The following CHD4 variants were observed in gnomAD, a reference collection of about 807,000 sequenced individuals.
CHD4 encodes chromodomain helicase DNA binding protein 4, also known as ATP-dependent chromatin remodeler CHD4.
A neutral mutation model predicts 235.5 loss-of-function variants in CHD4; 35 were observed. That is an observed-to-expected ratio of 0.15 (90% CI 0.11 to 0.20). The LOEUF is 0.20. CHD4 is among the 10% of genes least tolerant of loss of function. CHD4 has a pLI of 1.00. For missense variants in CHD4, 1,329 were observed against 2,432.3 expected (o/e 0.55, Z 9.54); for synonymous variants, 900 against 850.2 (o/e 1.06, Z -1.02).
In CHD4 at chr12:6,601,025, G is replaced by A; in HGVS notation, c.828C>T (p.Gly276=). 1 of 1,591,684 alleles carries A rather than the reference G, an allele frequency of 6.3e-7. No homozygotes were observed. Among genetic ancestry groups the A allele is most frequent in the South Asian group, 1.1e-5 (1 of 87,482 alleles). ...TCTTGGCATCAGGTACACGAGGGCT[G>A]CCCTTGGGCTTCCTCCGAGCATTGG... The part of the protein sequence containing the change: ...KGPNARRKPK[G]SPRVPDAKKP... The change falls in exon 7 of 40, where the codon GGC becomes GGT. Residue 276 remains glycine, a synonymous_variant. Transcript: ENST00000544040.
intron 29 of CHD4, 55 bp from the exon 30 acceptor site, chr12:6,582,336 C>G: frequency 6.6e-7 from 1 of 1,506,390 alleles, no homozygotes; most frequent in Non-Finnish European, 8.9e-7. Context: ...CTCTTAGATT[C>G]TTTTCCATCC....
intron 33 of CHD4, chr12:6,580,247 C>CAA (rs1190665555): frequency 6.6e-6 from 1 of 151,810 alleles, no homozygotes; most frequent in African/African-American, 2.4e-5. Flanking sequence ...ACAACAACAA[C>CAA]AACAACAACA....
rs200226716 is a variant in CHD4, at chr12:6,582,598, T to C, written c.4370+17A>G. On this transcript the variant is annotated intron_variant, in intron 29 of 39. Coordinates refer to ENST00000544040, the MANE Select transcript of CHD4 (RefSeq NM_001273.5). ...AAGCCCTTGCTCTAGATCAGTCCAC[T>C]CCAGCCCTCAACTCACTTGAACTCT... 51 of 1,602,502 alleles carry C rather than the reference T, an allele frequency of 3.2e-5. No individual in the cohort carries two copies. Among genetic ancestry groups the C allele is most frequent in the East Asian group, 2.7e-4 (12 of 44,860 alleles).
chr12:6,601,905 GA>G, intron 4 of CHD4, 54 bp downstream of exon 4: 2 of 1,595,042 alleles, frequency 1.3e-6, no homozygotes, highest in Non-Finnish European at 1.7e-6. Context: ...AGGTGTCTAG[GA>G]AACAAAAAGA....
intron 29 of CHD4, among the ~76,000 whole-genome samples, 156 bp from the exon 30 acceptor site, chr12:6,582,437 A>G (rs914723772): frequency 2.6e-5 from 4 of 152,066 alleles, no homozygotes; most frequent in African/African-American, 7.2e-5. Context: ...TAGACCCCAC[A>G]AGAAGACCCA....
chr12:6,605,247 G>A (rs182970303), intron 2 of CHD4, among the ~76,000 whole-genome samples: 5 of 152,032 alleles, frequency 3.3e-5, no homozygotes, highest in African/African-American at 9.6e-5. Flanking sequence ...AGAATGAGAA[G>A]AAAACTAGAA....
chr12:6,583,109 C>G lies in CHD4; in HGVS notation c.4065G>C (p.Trp1355Cys), dbSNP rs749752548. Residue 1355 changes from tryptophan (W) to cysteine (C), a missense_variant, in exon 27 of 40, where the codon TGG becomes TGC. Trp to Cys is a radical substitution (Grantham distance 215). Transcript: ENST00000544040. ...ACTGGTTGTCGGACTGGTCGTCCTGCCAATCTGGAGGGAGAGAGGGCAGAT... is the reference window on the plus strand; with the variant it reads ...ACTGGTTGTCGGACTGGTCGTCCTGGCAATCTGGAGGGAGAGAGGGCAGAT... ...YNDGSQEDRD[W>C]QDDQSDNQSD... is the part of the protein sequence containing the mutation. 6.3e-7 allele frequency: 1 copy of G among 1,592,206 alleles called. No homozygotes were observed. The highest frequency in any genetic ancestry group is 1.7e-5 in the Admixed American group (1 of 57,370).
Position 6,570,652 on chromosome 12 carries a change from T to G in CHD4, c.*24A>C. On this transcript the variant is annotated 3_prime_UTR_variant, in exon 40 of 40. Coordinates refer to ENST00000544040, the MANE Select transcript of CHD4 (RefSeq NM_001273.5). The stretch of plus-strand genomic sequence containing the variant: ...AGTGAGGAAGGTCACTGCTCAGCGG[T>G]GGAGGTGGTATCAGTCTGCATCTTC... 1 of 1,614,072 alleles carries G rather than the reference T, an allele frequency of 6.2e-7. No individual in the cohort carries two copies. Among genetic ancestry groups the G allele is most frequent in the Non-Finnish European group, 8.5e-7 (1 of 1,179,974 alleles).
At position 6,601,012 on chromosome 12, in the gene CHD4, G is replaced by A; in HGVS notation, c.841C>T (p.Pro281Ser). The A allele has an allele frequency of 3.7e-6, 6 of 1,603,536 alleles. No individual in the cohort carries two copies. The highest frequency in any genetic ancestry group is 5.1e-6 in the Non-Finnish European group (6 of 1,176,466). ...RRKPKGSPRV[P>S]DAKKPKPKKV... ...TTGGGTTTAGGCTTCTTGGCATCAG[G>A]TACACGAGGGCTGCCCTTGGGCTTC... is the stretch of plus-strand genomic sequence containing the variant. Residue 281 changes from proline (P) to serine (S), a missense_variant, in exon 7 of 40, where the codon CCT becomes TCT. By Grantham distance (74) the Pro-to-Ser change is moderately conservative. Around this residue, in one of 26 missense-constraint regions of CHD4, gnomAD observed 160 missense variants for 196.6 expected, o/e 0.81. Coordinates refer to ENST00000544040, the MANE Select transcript of CHD4 (RefSeq NM_001273.5).
chr12:6,594,388 T>C (rs1948450062), intron 15 of CHD4, 71 bp downstream of exon 15: 10 of 1,410,936 alleles, frequency 7.1e-6, no homozygotes, highest in Non-Finnish European at 9.7e-6. Flanking sequence ...CTTATCTCTC[T>C]ACTCAGTGTA....
At chr12:6,580,750 T>G in intron 33 of CHD4, 1 of 290,606 alleles carries the variant, frequency 3.4e-6, no homozygotes, top group Non-Finnish European at 6.1e-6. Flanking sequence ...GGCTCATGCC[T>G]GTAATCCCAG....
At chr12:6,598,738 G>C (rs1278429002) in intron 10 of CHD4, among the ~76,000 whole-genome samples, 2 of 152,178 alleles carry the variant, frequency 1.3e-5, no homozygotes, top group Non-Finnish European at 2.9e-5. Flanking sequence ...GAACCTGGGA[G>C]GCAGAGCTTG....
rs1947946770 is a variant in CHD4 at position 6,570,578 on chromosome 12, G to A, written c.*98C>T. 2 of 1,446,220 alleles carry A rather than the reference G, an allele frequency of 1.4e-6. No individual in the cohort carries two copies. The highest frequency in any genetic ancestry group is 1.9e-6 in the Non-Finnish European group (2 of 1,031,510). The allele number at this position is 1,446,220 out of a possible 1,614,324, so 89.6% of individuals were successfully genotyped here. On this transcript the variant is annotated 3_prime_UTR_variant, in exon 40 of 40. Coordinates refer to ENST00000544040, the MANE Select transcript of CHD4 (RefSeq NM_001273.5). ...TTACAACATGGAAGATGGGCAGAAGGAAGGTGAGGGTCTCTCAGGCCCCCA... is the reference window on the plus strand; with the variant it reads ...TTACAACATGGAAGATGGGCAGAAGAAAGGTGAGGGTCTCTCAGGCCCCCA...
Position 6,570,708 on chromosome 12 carries a change from C to A in CHD4, c.5722-15G>T, listed in dbSNP as rs1385119492. The stretch of plus-strand genomic sequence containing the variant: ...TGCTGGGCTACCTAGAGAAGGAGAC[C>A]CGAGGAGTCAGAATTCCAGATGATA... On this transcript the variant is annotated splice_polypyrimidine_tract_variant and intron_variant, in intron 39 of 39. Coordinates refer to ENST00000544040, the MANE Select transcript of CHD4 (RefSeq NM_001273.5). 1.2e-6 allele frequency: 2 copies of A among 1,613,982 alleles called. No individual in the cohort carries two copies. The highest frequency in any genetic ancestry group is 1.7e-6 in the Non-Finnish European group (2 of 1,180,002).
At position 6,581,309 on chromosome 12, in the gene CHD4, G is replaced by A. The variant is rs1565604702; in HGVS notation, c.4761C>T (p.Ala1587=). Residue 1587 remains alanine (A), a synonymous_variant, in exon 32 of 40, where the codon GCC becomes GCT. Coordinates refer to ENST00000544040, the MANE Select transcript of CHD4 (RefSeq NM_001273.5). ...CTCTTACCTCAATGGCAGTCTCAGG[G>A]GCTGTAGATTTAACCTCCTTTTCTC... ...IEGEKEVKST[A]PETAIECTQA... 2 of 1,614,100 alleles carry A rather than the reference G, an allele frequency of 1.2e-6. No homozygotes were observed. The highest frequency in any genetic ancestry group is 1.7e-6 in the Non-Finnish European group (2 of 1,180,002).
Position 6,578,547 on chromosome 12 carries a change from C to T in CHD4, c.4982-1G>A. 1 of 1,610,566 alleles carries T rather than the reference C, an allele frequency of 6.2e-7. No individual in the cohort carries two copies. The highest frequency in any genetic ancestry group is 8.5e-7 in the Non-Finnish European group (1 of 1,179,724). On this transcript the variant is annotated splice_acceptor_variant, in intron 34 of 39. Coordinates refer to ENST00000544040, the MANE Select transcript of CHD4 (RefSeq NM_001273.5). LOFTEE classifies it high-confidence loss of function. ...TTCTCTTCTTCTTCTTTCTTCTCTT[C>T]TACAGAATATGGGGAAGAAAAATGT...
Position 6,570,483 on chromosome 12 carries a change from G to T in CHD4, c.*193C>A. 1 of 655,344 alleles carries T rather than the reference G, an allele frequency of 1.5e-6. No homozygotes were observed. The highest frequency in any genetic ancestry group is 2.6e-6 in the Non-Finnish European group (1 of 382,044). The allele number at this position is 655,344 out of a possible 1,614,324, so 40.6% of individuals were successfully genotyped here. A position where few individuals can be genotyped will look rare whatever the true frequency, so the allele number is the denominator to read the frequency against. Reference sequence around the variant, plus strand: ...GATGGCGCCAGCGCTACTGCTGCATGTCTCTTCTGCAGGAAGGGCACCACT... The same window carrying T: ...GATGGCGCCAGCGCTACTGCTGCATTTCTCTTCTGCAGGAAGGGCACCACT... On this transcript the variant is annotated 3_prime_UTR_variant, in exon 40 of 40. Transcript: ENST00000544040.
chr12:6,600,108 T>C, intron 9 of CHD4, 96 bp from the exon 10 acceptor site: 1 of 1,564,240 alleles, frequency 6.4e-7, no homozygotes, highest in Non-Finnish European at 8.7e-7. Flanking sequence ...TTCCCAAAGC[T>C]CACAACCCGC....
chr12:6,588,427 T>C lies in CHD4; in HGVS notation c.3341-5A>G. 1 of 1,611,972 alleles carries C rather than the reference T, an allele frequency of 6.2e-7. No individual in the cohort carries two copies. The highest frequency in any genetic ancestry group is 8.5e-7 in the Non-Finnish European group (1 of 1,179,416). On this transcript the variant is annotated splice_region_variant and splice_polypyrimidine_tract_variant and intron_variant, in intron 22 of 39. Coordinates refer to ENST00000544040, the MANE Select transcript of CHD4 (RefSeq NM_001273.5). ...AGAACTGCTGAGCACCCGGTGCTAATAAAAGAACCAAAAACACCATTAGAA... is the reference window on the plus strand; with the variant it reads ...AGAACTGCTGAGCACCCGGTGCTAACAAAAGAACCAAAAACACCATTAGAA...
Sources: gnomAD v4.1 joint callset for allele counts (sites outside exome capture counted in the v4.1 genomes callset) on GRCh38, gnomAD v4.1.1 for gene constraint, gnomAD v4.1.1 regional missense constraint, MANE v1.5 for transcripts, NCBI Gene and HGNC (gene_info 2026-07-23, HGNC 2026-07-21) for gene names.